The following KCNH1 variants were observed in gnomAD, a reference collection of about 807,000 sequenced individuals.
KCNH1 encodes potassium voltage-gated channel subfamily H member 1.
KCNH1 carries 27 observed loss-of-function variants against 69.2 expected under a neutral mutation model. The ratio of observed to expected loss-of-function variants is 0.39; its 90% CI spans 0.29 to 0.54. KCNH1 has a LOEUF of 0.54. Among genes scored for constraint, KCNH1 ranks in the 20% least tolerant of loss-of-function variants. The pLI, the probability that KCNH1 is intolerant of heterozygous loss-of-function variation, is 0.68. For missense variants in KCNH1, 798 were observed against 1,261.6 expected, an observed-to-expected ratio of 0.63 and a Z score of 5.57; for synonymous variants, 456 against 487.7, an observed-to-expected ratio of 0.93 and a Z score of 0.86.
chr1:210,834,253 C>T (rs911278400), intron 7 of KCNH1, among the ~76,000 whole-genome samples: 6 of 151,046 alleles, frequency 4.0e-5, no homozygotes, highest in African/African-American at 1.2e-4. Context: ...TATTGTGGCA[C>T]TATTCACAAT....
intron 5 of KCNH1, among the ~76,000 whole-genome samples, chr1:211,033,380 G>A (rs1160811954): frequency 1.3e-5 from 2 of 152,186 alleles, no homozygotes; most frequent in African/African-American, 4.8e-5. Flanking sequence ...TCTAGAACTA[G>A]AAATACCATT....
chr1:210,939,499 C>T (rs1029512634), intron 6 of KCNH1, among the ~76,000 whole-genome samples: 9 of 152,102 alleles, frequency 5.9e-5, no homozygotes, highest in African/African-American at 2.2e-4. Flanking sequence ...TGCAAGATGT[C>T]CTGAGGCAGG....
chr1:211,048,827 A>C (rs1162009607), intron 5 of KCNH1, among the ~76,000 whole-genome samples: 3 of 152,192 alleles, frequency 2.0e-5, no homozygotes, highest in Admixed American at 2.0e-4. Flanking sequence ...CCTGTTCCCC[A>C]AAAACTATTG....
intron 7 of KCNH1, among the ~76,000 whole-genome samples, chr1:210,844,202 C>G (rs879619020): frequency 4.6e-5 from 7 of 152,174 alleles, no homozygotes; most frequent in Non-Finnish European, 7.3e-5. Flanking sequence ...TCCTAACACT[C>G]TGTCTGGCAT....
At chr1:210,945,538 T>C (rs567524879) in intron 6 of KCNH1, among the ~76,000 whole-genome samples, 61 of 152,314 alleles carry the variant, frequency 4.0e-4, no homozygotes, top group South Asian at 3.5e-3. Context: ...TTACAATAAA[T>C]GGGCCTTCCA....
intron 6 of KCNH1, among the ~76,000 whole-genome samples, chr1:210,998,616 TAAC>T (rs959227200): frequency 6.6e-6 from 1 of 152,062 alleles, no homozygotes; most frequent in African/African-American, 2.4e-5. Context: ...GACAGAAAGT[TAAC>T]AAGGATATCC....
chr1:210,904,824 C>T (rs950888245), intron 7 of KCNH1, among the ~76,000 whole-genome samples: 1 of 152,164 alleles, frequency 6.6e-6, no homozygotes, highest in Non-Finnish European at 1.5e-5. Flanking sequence ...AATCACTCTG[C>T]CAATGAAATA....
At chr1:211,063,753 A>G (rs1378692525) in intron 5 of KCNH1, 1 of 149,650 alleles carries the variant, frequency 6.7e-6, no homozygotes, top group Non-Finnish European at 1.5e-5. Flanking sequence ...GAGAAAAAAA[A>G]AAAGAGAGAT....
intron 6 of KCNH1, among the ~76,000 whole-genome samples, chr1:210,932,490 A>C (rs147912461): frequency 6.6e-6 from 1 of 152,306 alleles, no homozygotes; most frequent in East Asian, 1.9e-4. Flanking sequence ...ACAAAATGAC[A>C]GGAGTAAGTA....
chr1:211,120,998 G>A (rs1235975037), intron 1 of KCNH1, among the ~76,000 whole-genome samples: 3 of 152,036 alleles, frequency 2.0e-5, no homozygotes, highest in African/African-American at 4.8e-5. Flanking sequence ...CCTCTTCAAG[G>A]AGAACAAACT....
At chr1:210,791,187 G>A (rs1483687228) in intron 9 of KCNH1, among the ~76,000 whole-genome samples, 1 of 152,180 alleles carries the variant, frequency 6.6e-6, no homozygotes, top group Non-Finnish European at 1.5e-5. Flanking sequence ...TTAGGTTAAT[G>A]TAATAAAAGG....
intron 7 of KCNH1, among the ~76,000 whole-genome samples, chr1:210,863,037 T>C (rs1223511945): frequency 6.6e-6 from 1 of 152,104 alleles, no homozygotes; most frequent in African/African-American, 2.4e-5. Context: ...TGATGACTTG[T>C]GTTAGAAGGT....
intron 10 of KCNH1, among the ~76,000 whole-genome samples, chr1:210,759,419 C>T (rs766964110): frequency 2.6e-5 from 4 of 151,830 alleles, no homozygotes; most frequent in Non-Finnish European, 4.4e-5. Context: ...TACAAAGAAG[C>T]CAGGAAAACA....
At chr1:210,740,647 C>T (rs1308600553) in intron 10 of KCNH1, among the ~76,000 whole-genome samples, 1 of 150,074 alleles carries the variant, frequency 6.7e-6, no homozygotes, top group Non-Finnish European at 1.5e-5. Context: ...CCTATGTTAA[C>T]TCTCTTCTCT....
In KCNH1 at chr1:210,864,995, C is replaced by T. The variant is rs1458586242; in HGVS notation, c.1462+54645G>A. ...AGCTGGGTTCTAAGAGCAGGTGTCC[C>T]AAACAAATCACACAGAATCTGTATG... is the stretch of plus-strand genomic sequence containing the variant. On this transcript the variant is annotated intron_variant, in intron 7 of 10. Coordinates refer to ENST00000271751, the MANE Select transcript of KCNH1 (RefSeq NM_172362.3). Among the ~76,000 whole-genome samples, 7 of 152,290 alleles carry T rather than the reference C, an allele frequency of 4.6e-5. No individual in the cohort carries two copies. In the East Asian group the frequency reaches 1.4e-3, roughly 29 times the overall value.
At chr1:210,982,907 T>A (rs1001835629) in intron 6 of KCNH1, among the ~76,000 whole-genome samples, 3 of 152,214 alleles carry the variant, frequency 2.0e-5, no homozygotes, top group Admixed American at 6.5e-5. Flanking sequence ...GTGTTCCTAT[T>A]TCTCCACATC....
chr1:211,011,755 T>C (rs978950981), intron 6 of KCNH1, among the ~76,000 whole-genome samples: 12 of 152,230 alleles, frequency 7.9e-5, no homozygotes, highest in African/African-American at 2.9e-4. Flanking sequence ...GGTAGGATCA[T>C]GACTCCGGTG....
At chr1:210,817,275 C>T (rs1168713700) in intron 7 of KCNH1, among the ~76,000 whole-genome samples, 1 of 152,158 alleles carries the variant, frequency 6.6e-6, no homozygotes, top group Non-Finnish European at 1.5e-5. Context: ...GGTCCTAATC[C>T]TGACTTTGTT....
intron 7 of KCNH1, among the ~76,000 whole-genome samples, chr1:210,875,416 T>C (rs1686348853): frequency 2.0e-5 from 3 of 152,186 alleles, no homozygotes; most frequent in Non-Finnish European, 2.9e-5. Context: ...TTTGTCTATA[T>C]AGGAAATGCA....
Sources: gnomAD v4.1 joint callset for allele counts (sites outside exome capture counted in the v4.1 genomes callset) on GRCh38, gnomAD v4.1.1 for gene constraint, MANE v1.5 for transcripts, NCBI Gene and HGNC (gene_info 2026-07-23, HGNC 2026-07-21) for gene names.